UBE2J2: variants seen among roughly 807,000 people sequenced by gnomAD.
UBE2J2 encodes ubiquitin-conjugating enzyme E2 J2.
Under a neutral mutation model 28.6 loss-of-function variants are expected in UBE2J2, and 5 were observed. The ratio of observed to expected loss-of-function variants is 0.17; its 90% CI spans 0.09 to 0.37. The LOEUF is 0.37. Ranked by LOEUF, UBE2J2 falls within the 10% of genes least tolerant of loss-of-function variation. UBE2J2 has a pLI of 1.00. For missense variants in UBE2J2, 226 were observed against 338.9 expected (o/e 0.67, Z 2.62); for synonymous variants, 138 against 139.7 (o/e 0.99, Z 0.09).
At chr1:1,263,858 T>C (rs1394994134) in intron 2 of UBE2J2, among the ~76,000 whole-genome samples, 2 of 150,072 alleles carry the variant, frequency 1.3e-5, no homozygotes, top group South Asian at 4.2e-4. Context: ...CCGGGTGTGG[T>C]AGTGCATGCC....
chr1:1,257,384 C>G, intron 3 of UBE2J2, 74 bp from the exon 4 acceptor site: 2 of 665,622 alleles, frequency 3.0e-6, no homozygotes, highest in Non-Finnish European at 4.4e-6. Context: ...GTCCCCATCC[C>G]CCCACGCCAC....
At chr1:1,261,362 G>T (rs1639550089) in intron 3 of UBE2J2, among the ~76,000 whole-genome samples, 1 of 152,186 alleles carries the variant, frequency 6.6e-6, no homozygotes, top group Non-Finnish European at 1.5e-5. Context: ...GGGGAACAAC[G>T]GAAGCGATGG....
At chr1:1,258,919 GGGCCAACCCCAACCA>G (rs1246250186) in intron 3 of UBE2J2, among the ~76,000 whole-genome samples, 1 of 152,264 alleles carries the variant, frequency 6.6e-6, no homozygotes, top group Non-Finnish European at 1.5e-5. Context: ...TCAGAGCTTG[GGGCCAACCCCAACCA>G]GAGGACCACA....
chr1:1,257,408 C>CT, intron 3 of UBE2J2, 98 bp from the exon 4 acceptor site: 2 of 606,640 alleles, frequency 3.3e-6, no homozygotes, highest in Non-Finnish European at 5.3e-6. Context: ...CCCCCCCCCC[C>CT]TCAGCTCGGC....
chr1:1,267,596 C>T (rs972918737), intron 2 of UBE2J2: 14 of 808,488 alleles, frequency 1.7e-5, no homozygotes, highest in Middle Eastern at 4.5e-4. Flanking sequence ...ACCTGGACCC[C>T]GCCCCCCTCA....
In UBE2J2 at chr1:1,255,443, T is replaced by C; in HGVS notation, c.540A>G (p.Arg180=). The C allele has an allele frequency of 1.9e-6, 3 of 1,613,514 alleles. No homozygotes were observed. The highest frequency in any genetic ancestry group is 2.5e-6 in the Non-Finnish European group (3 of 1,179,846). ...KQKAQDELSS[R]PQTLPLPDVV... ...CGTCTGGCAAGGGGAGAGTCTGGGG[T>C]CTGCTACTGAGTTCGTCTTGTGCTT... is the stretch of plus-strand genomic sequence containing the variant. Residue 180 remains arginine, a synonymous_variant, in exon 7 of 7, where the codon AGA becomes AGG. Coordinates refer to ENST00000349431, the MANE Select transcript of UBE2J2 (RefSeq NM_058167.3).
At chr1:1,261,939 C>A (rs1363360463) in intron 3 of UBE2J2, among the ~76,000 whole-genome samples, 1 of 150,656 alleles carries the variant, frequency 6.6e-6, no homozygotes, top group African/African-American at 2.5e-5. Flanking sequence ...CTCACTGCAA[C>A]CTCCGCCTCC....
chr1:1,259,099 CAT>C (rs967522733), intron 3 of UBE2J2, among the ~76,000 whole-genome samples: 2 of 134,374 alleles, frequency 1.5e-5, no homozygotes, highest in African/African-American at 6.9e-5. Flanking sequence ...CACGTGTGTG[CAT>C]GTGTGTGCAT....
chr1:1,266,990 G>C (rs937690386), intron 2 of UBE2J2, among the ~76,000 whole-genome samples: 6 of 152,092 alleles, frequency 3.9e-5, no homozygotes, highest in African/African-American at 1.2e-4. Flanking sequence ...CCGGGTTCAA[G>C]CGATTCTCCT....
chr1:1,267,941 T>G lies in UBE2J2; in HGVS notation c.52A>C (p.Lys18Gln). Residue 18 changes from lysine (K) to glutamine (Q), a missense_variant, in exon 2 of 7, where the codon AAG becomes CAG. Physicochemically the swap from Lys to Gln is moderately conservative, Grantham distance 53. This residue lies in a region of UBE2J2 where 80 missense variants were observed against 114.5 expected (regional missense o/e 0.70). Coordinates refer to ENST00000349431, the MANE Select transcript of UBE2J2 (RefSeq NM_058167.3). The part of the protein sequence containing the change: ...RAPTTATQRL[K>Q]QDYLRIKKDP... ...TTCTTAATGCGAAGGTAGTCCTGCTTCAGCCTCTGGGTTGCCGTGGTCGGA... is the reference window on the plus strand; with the variant it reads ...TTCTTAATGCGAAGGTAGTCCTGCTGCAGCCTCTGGGTTGCCGTGGTCGGA... 6.2e-7 allele frequency: 1 copy of G among 1,614,102 alleles called. No individual in the cohort carries two copies. Among genetic ancestry groups the G allele is most frequent in the Non-Finnish European group, 8.5e-7 (1 of 1,179,992 alleles).
At chr1:1,265,646 T>TGTGTGTGTGTGTGTGTGTGTGG (rs1639816538) in intron 2 of UBE2J2, among the ~76,000 whole-genome samples, 2 of 148,476 alleles carry the variant, frequency 1.3e-5, no homozygotes, top group African/African-American at 5.1e-5. Context: ...TGTGTGTGTG[T>TGTGTGTGTGTGTGTGTGTGTGG]GTGGTGGAGT....
rs112951404 is a variant in UBE2J2 at position 1,265,564 on chromosome 1, C to CGTGTGTGT, written c.132-2186_132-2179dup. Among the ~76,000 whole-genome samples, 188 of 143,328 alleles carry CGTGTGTGT rather than the reference C, an allele frequency of 1.3e-3. 1 individual carries two copies. The highest frequency in any genetic ancestry group is 4.6e-3 in the African/African-American group (175 of 38,372). The allele number at this position is 143,328 out of a possible 152,430, so 94.0% of individuals were successfully genotyped here. A position where few individuals can be genotyped will look rare whatever the true frequency, so the allele number is the denominator to read the frequency against. On this transcript the variant is annotated intron_variant, in intron 2 of 6. Transcript: ENST00000349431. The stretch of plus-strand genomic sequence containing the variant: ...CCGCTGGCTGACTGCAGTTTTCTCT[C>CGTGTGTGT]GTGTGTGTGTGTGTGTGTGTGTGTG...
In UBE2J2 at chr1:1,254,865, G is replaced by A. The variant is rs190675249; in HGVS notation, c.*338C>T. ...AAGAACGCAGGAGCAGCCCGCGGTC[G>A]GCAGCAAGTTTGCATTTCTAAGTGA... is the stretch of plus-strand genomic sequence containing the variant. On this transcript the variant is annotated 3_prime_UTR_variant, in exon 7 of 7. Transcript: ENST00000349431. 17 of 200,188 alleles carry A rather than the reference G, an allele frequency of 8.5e-5. No homozygotes were observed. Among genetic ancestry groups the A allele is most frequent in the Admixed American group, 2.4e-4 (4 of 16,890 alleles). The allele number at this position is 200,188 out of a possible 1,614,324, so 12.4% of individuals were successfully genotyped here. A position where few individuals can be genotyped will look rare whatever the true frequency, so the allele number is the denominator to read the frequency against.
intron 1 of UBE2J2, among the ~76,000 whole-genome samples, chr1:1,271,308 G>T (rs186025331): frequency 6.6e-6 from 1 of 152,232 alleles, no homozygotes; most frequent in Admixed American, 6.5e-5. Flanking sequence ...AAGCAGCACC[G>T]CCACACAGGC....
chr1:1,270,148 C>T (rs983676847), intron 1 of UBE2J2, among the ~76,000 whole-genome samples: 1 of 152,180 alleles, frequency 6.6e-6, no homozygotes, highest in Non-Finnish European at 1.5e-5. Flanking sequence ...TTTCCTGAGG[C>T]CTCCCTGGCC....
chr1:1,266,054 G>T, intron 2 of UBE2J2: 1 of 1,303,196 alleles, frequency 7.7e-7, no homozygotes, highest in Non-Finnish European at 1.0e-6. Context: ...AGACGTCCTC[G>T]CAACCAGCGA....
intron 5 of UBE2J2, 104 bp downstream of exon 5, chr1:1,256,888 G>GGAAA: frequency 2.0e-6 from 1 of 511,096 alleles, no homozygotes; most frequent in Non-Finnish European, 2.6e-6. Context: ...TCCGTCTCAA[G>GGAAA]AAAAAAAAAA....
At chr1:1,263,754 G>A (rs1397515078) in intron 2 of UBE2J2, among the ~76,000 whole-genome samples, 1 of 152,114 alleles carries the variant, frequency 6.6e-6, no homozygotes, top group Non-Finnish European at 1.5e-5. Flanking sequence ...AGCACTTTGG[G>A]AGGGCACGGT....
chr1:1,257,331 A>C, intron 3 of UBE2J2, 21 bp from the exon 4 acceptor site: 2 of 1,526,604 alleles, frequency 1.3e-6, no homozygotes, highest in African/African-American at 1.4e-5. Flanking sequence ...ACAAAACAGA[A>C]AGGGCCTTGT....
Sources: allele counts gnomAD v4.1 joint callset (sites outside exome capture counted in the v4.1 genomes callset), GRCh38; gene constraint gnomAD v4.1.1; regional missense constraint gnomAD v4.1.1; transcripts MANE v1.5; gene names NCBI Gene and HGNC (gene_info 2026-07-23, HGNC 2026-07-21).